The following SOX5 variants were observed in gnomAD, a reference collection of about 807,000 sequenced individuals.
The protein encoded by SOX5 is transcription factor SOX-5.
A neutral mutation model predicts 92.0 loss-of-function variants in SOX5; 9 were observed. That is an observed-to-expected ratio of 0.10 (90% confidence interval 0.06 to 0.17). SOX5 has a LOEUF of 0.17. Ranked by LOEUF, SOX5 falls within the 10% of genes least tolerant of loss-of-function variation. The probability of loss-of-function intolerance (pLI) is 1.00; values close to 1 mark genes in which losing one functional copy is unlikely to be tolerated. For synonymous variants in SOX5, 344 were observed against 336.3 expected (o/e 1.02, Z -0.25); for missense variants, 642 against 944.5 (o/e 0.68, Z 4.20).
chr12:23,670,614 T>C (rs549055301), intron 6 of SOX5, among the ~76,000 whole-genome samples: 3 of 152,024 alleles, frequency 2.0e-5, no homozygotes, highest in East Asian at 3.9e-4. Context: ...GCTATATAAA[T>C]GGATGAAGGC....
At chr12:23,595,345 G>A (rs1024289544) in intron 9 of SOX5, among the ~76,000 whole-genome samples, 8 of 152,000 alleles carry the variant, frequency 5.3e-5, no homozygotes, top group African/African-American at 1.2e-4. Flanking sequence ...ATTGTGGGCC[G>A]GACACGGTGG....
At chr12:23,899,176 G>A (rs906489138) in intron 1 of SOX5, among the ~76,000 whole-genome samples, 2 of 152,122 alleles carry the variant, frequency 1.3e-5, no homozygotes, top group African/African-American at 4.8e-5. Context: ...TTGGGAGGCT[G>A]AGGCGGGCAG....
rs139159516 is a variant in SOX5 at position 23,700,049 on chromosome 12, C to T, written c.811-34485G>A. ...AATTTTAAGAGTCATTGCATATTTC[C>T]GCTATACCTGTTCTCTCTCTGCTGT... is the stretch of plus-strand genomic sequence containing the variant. On this transcript the variant is annotated intron_variant, in intron 6 of 14. Coordinates refer to ENST00000451604, the MANE Select transcript of SOX5 (RefSeq NM_006940.6). Among the ~76,000 whole-genome samples the T allele has an allele frequency of 4.0e-3, 602 of 152,168 alleles. 3 individuals carry two copies. Among genetic ancestry groups the T allele is most frequent in the Middle Eastern group, 0.014 (4 of 294 alleles).
intron 1 of SOX5, among the ~76,000 whole-genome samples, chr12:24,560,364 G>T (rs896570323): frequency 1.3e-5 from 2 of 152,166 alleles, no homozygotes; most frequent in African/African-American, 2.4e-5. Context: ...AGGCTGTATT[G>T]CATCAGTTTT....
chr12:23,991,341 C>CA (rs1307441405), intron 4 of SOX5, among the ~76,000 whole-genome samples: 1 of 150,420 alleles, frequency 6.6e-6, no homozygotes, highest in African/African-American at 2.4e-5. Flanking sequence ...ACAACAACAA[C>CA]AAAAAAAATA....
chr12:24,370,352 C>T (rs1956599030), intron 1 of SOX5, among the ~76,000 whole-genome samples: 1 of 151,926 alleles, frequency 6.6e-6, no homozygotes, highest in African/African-American at 2.4e-5. Context: ...TGGCAGGCCC[C>T]TGTAGTCCCA....
intron 4 of SOX5, among the ~76,000 whole-genome samples, chr12:24,187,469 C>T (rs552733445): frequency 6.6e-6 from 1 of 152,310 alleles, no homozygotes; most frequent in Admixed American, 6.5e-5. Flanking sequence ...TGAAAAGGCA[C>T]AGACAGAAAT....
chr12:23,978,982 CT>C (rs1378345817), intron 4 of SOX5, among the ~76,000 whole-genome samples: 1 of 152,092 alleles, frequency 6.6e-6, no homozygotes, highest in Non-Finnish European at 1.5e-5. Context: ...AAATATTATA[CT>C]TAAATGACAA....
chr12:24,463,531 T>C (rs1406775234), intron 1 of SOX5, among the ~76,000 whole-genome samples: 1 of 152,236 alleles, frequency 6.6e-6, no homozygotes, highest in African/African-American at 2.4e-5. Context: ...CGCTTACAGA[T>C]TTTATCTAAC....
chr12:24,529,854 C>G (rs1287607513), intron 1 of SOX5, among the ~76,000 whole-genome samples: 1 of 152,022 alleles, frequency 6.6e-6, no homozygotes, highest in East Asian at 1.9e-4. Context: ...CCCGTCTCTA[C>G]TAAAAAATAC....
At chr12:23,583,528 T>A (rs896835092) in intron 9 of SOX5, among the ~76,000 whole-genome samples, 1 of 152,128 alleles carries the variant, frequency 6.6e-6, no homozygotes, top group Non-Finnish European at 1.5e-5. Flanking sequence ...TTGTTTAACC[T>A]CTGGTCCCCA....
chr12:23,876,736 A>T (rs1379186909), intron 2 of SOX5, among the ~76,000 whole-genome samples: 1 of 152,206 alleles, frequency 6.6e-6, no homozygotes, highest in Non-Finnish European at 1.5e-5. Flanking sequence ...AAAGACTTGG[A>T]ACCAACCCAA....
At chr12:23,948,886 TA>T (rs1286389923) in intron 1 of SOX5, among the ~76,000 whole-genome samples, 1 of 152,126 alleles carries the variant, frequency 6.6e-6, no homozygotes, top group Non-Finnish European at 1.5e-5. Flanking sequence ...GAAAATACAG[TA>T]AATTAAAATT....
intron 1 of SOX5, among the ~76,000 whole-genome samples, chr12:23,915,775 G>A (rs1412730643): frequency 6.6e-6 from 1 of 152,188 alleles, no homozygotes; most frequent in Non-Finnish European, 1.5e-5. Context: ...AGTAGGACAT[G>A]TTATTGTAAG....
At chr12:23,545,086 T>C (rs1021389428) in intron 12 of SOX5, among the ~76,000 whole-genome samples, 1 of 152,234 alleles carries the variant, frequency 6.6e-6, no homozygotes, top group African/African-American at 2.4e-5. Context: ...TCAGTTTTGA[T>C]AGAATTACGT....
intron 1 of SOX5, among the ~76,000 whole-genome samples, chr12:24,516,065 CAG>C (rs1241895260): frequency 6.8e-6 from 1 of 146,926 alleles, no homozygotes; most frequent in Non-Finnish European, 1.5e-5. Context: ...TTTTAAGCGA[CAG>C]AGTCTCACTC....
chr12:24,351,022 C>T (rs1954014885), intron 2 of SOX5, among the ~76,000 whole-genome samples: 1 of 152,138 alleles, frequency 6.6e-6, no homozygotes, highest in Non-Finnish European at 1.5e-5. Context: ...CATACCACTC[C>T]ATTCCAGCCT....
chr12:24,190,231 G>A (rs11047304), intron 4 of SOX5, among the ~76,000 whole-genome samples: 3,906 of 152,192 alleles, frequency 0.026, 59 homozygotes, highest in Non-Finnish European at 0.037. Context: ...TCTTATGCTG[G>A]AAATGGATCC....
chr12:23,692,116 T>C (rs112413902), intron 6 of SOX5, among the ~76,000 whole-genome samples: 2,117 of 152,226 alleles, frequency 0.014, 50 homozygotes, highest in African/African-American at 0.047. Context: ...CCTAAAATTC[T>C]TGCTTTGTCT....
Sources: gnomAD v4.1 joint callset for allele counts (sites outside exome capture counted in the v4.1 genomes callset) on GRCh38, gnomAD v4.1.1 for gene constraint, MANE v1.5 for transcripts, NCBI Gene and HGNC (gene_info 2026-07-23, HGNC 2026-07-21) for gene names.